The following DCC variants were observed in gnomAD, a reference collection of about 807,000 sequenced individuals.
The protein encoded by DCC is netrin receptor DCC.
Under a neutral mutation model 172.5 loss-of-function variants are expected in DCC, and 58 were observed. That is an observed-to-expected ratio of 0.34 (90% CI 0.27 to 0.42). The LOEUF is 0.42. Ranked by LOEUF, DCC falls within the 10% of genes least tolerant of loss-of-function variation. The pLI, the probability that DCC is intolerant of heterozygous loss-of-function variation, is 1.00. For missense variants in DCC, 1,740 were observed against 1,791.0 expected (o/e 0.97, Z 0.51); for synonymous variants, 709 against 644.5 (o/e 1.10, Z -1.52).
chr18:53,414,637 A>G (rs751328619), intron 20 of DCC, among the ~76,000 whole-genome samples: 19 of 152,148 alleles, frequency 1.2e-4, no homozygotes, highest in Non-Finnish European at 2.8e-4. Context: ...TCACGAGGTC[A>G]GGAGATCGAG....
intron 8 of DCC, among the ~76,000 whole-genome samples, chr18:53,168,284 G>T (rs1386875100): frequency 6.6e-6 from 1 of 151,908 alleles, no homozygotes; most frequent in African/African-American, 2.4e-5. Context: ...TTGCGGCACT[G>T]TTCACAATAG....
At chr18:52,368,954 C>T (rs1421735509) in intron 1 of DCC, among the ~76,000 whole-genome samples, 1 of 152,172 alleles carries the variant, frequency 6.6e-6, no homozygotes, top group East Asian at 1.9e-4. Context: ...TGTTGATCCT[C>T]CATGTGGTGA....
At chr18:53,023,773 G>C (rs750390321) in intron 5 of DCC, among the ~76,000 whole-genome samples, 2 of 152,010 alleles carry the variant, frequency 1.3e-5, no homozygotes, top group African/African-American at 4.8e-5. Context: ...GAAATTGAAC[G>C]CAGTGCCTCA....
chr18:52,834,097 A>C (rs936090332), intron 2 of DCC, among the ~76,000 whole-genome samples: 2 of 152,176 alleles, frequency 1.3e-5, no homozygotes, highest in Non-Finnish European at 2.9e-5. Flanking sequence ...AGGAGGGCAG[A>C]GCTTCCACAC....
At chr18:52,933,251 C>A (rs534547738) in intron 5 of DCC, among the ~76,000 whole-genome samples, 3 of 152,118 alleles carry the variant, frequency 2.0e-5, no homozygotes, top group African/African-American at 7.2e-5. Flanking sequence ...GCCAAGTAGT[C>A]TTTGGGCATA....
chr18:53,176,558 G>A (rs1424107659), intron 8 of DCC, among the ~76,000 whole-genome samples: 5 of 151,942 alleles, frequency 3.3e-5, no homozygotes, highest in African/African-American at 1.2e-4. Flanking sequence ...CATTTATGCA[G>A]CCAAAAAACA....
At chr18:52,696,208 A>C (rs1374472751) in intron 1 of DCC, among the ~76,000 whole-genome samples, 2 of 152,248 alleles carry the variant, frequency 1.3e-5, no homozygotes, top group Admixed American at 1.3e-4. Context: ...TGTCTAATAA[A>C]GGACCAGAAA....
chr18:52,720,251 T>G (rs1339374790), intron 1 of DCC, among the ~76,000 whole-genome samples: 17 of 152,140 alleles, frequency 1.1e-4, no homozygotes, highest in Admixed American at 1.0e-3. Flanking sequence ...ACTTTCAAAA[T>G]GATGAAATAG....
intron 19 of DCC, among the ~76,000 whole-genome samples, chr18:53,407,671 A>G (rs958517595): frequency 1.3e-5 from 2 of 150,506 alleles, no homozygotes; most frequent in Admixed American, 6.7e-5. Context: ...TATATTACAT[A>G]GTAATATATG....
At chr18:53,395,018 G>A (rs556212116) in intron 17 of DCC, among the ~76,000 whole-genome samples, 236 of 151,508 alleles carry the variant, frequency 1.6e-3, no homozygotes, top group African/African-American at 4.8e-3. Context: ...GTGGGGGGGC[G>A]GGGCGCCTGT....
At chr18:53,396,509 A>G (rs534684904) in intron 17 of DCC, among the ~76,000 whole-genome samples, 1 of 152,338 alleles carries the variant, frequency 6.6e-6, no homozygotes, top group Non-Finnish European at 1.5e-5. Context: ...ACACCAATGT[A>G]ATCCTTTAGT....
At chr18:53,392,281 T>C (rs1908599217) in intron 17 of DCC, among the ~76,000 whole-genome samples, 1 of 152,072 alleles carries the variant, frequency 6.6e-6, no homozygotes, top group Non-Finnish European at 1.5e-5. Flanking sequence ...CCTATTAATG[T>C]CACAGAGACT....
rs145859266 is a variant in DCC, at chr18:52,633,373, T to C, written c.92-118681T>C. Among the ~76,000 whole-genome samples, 704 of 152,284 alleles carry C rather than the reference T, an allele frequency of 4.6e-3. 16 individuals are homozygous for C. The highest frequency in any genetic ancestry group is 0.032 in the East Asian group (165 of 5,174). ...GCACTGAAGATGCCCAAGTTCTTCT[T>C]TTTATTTCTTTCTGGAGGAAAGCCA... On this transcript the variant is annotated intron_variant, in intron 1 of 28. Transcript: ENST00000442544.
intron 1 of DCC, among the ~76,000 whole-genome samples, chr18:52,625,422 C>T (rs887499962): frequency 1.3e-5 from 2 of 152,062 alleles, no homozygotes; most frequent in Non-Finnish European, 2.9e-5. Context: ...CTTTGTTTTC[C>T]TTCTGTTACA....
At chr18:53,342,918 TAAA>T (rs2057678555) in intron 15 of DCC, among the ~76,000 whole-genome samples, 1 of 149,264 alleles carries the variant, frequency 6.7e-6, no homozygotes, top group African/African-American at 2.4e-5. Context: ...TTATTTTAAA[TAAA>T]TTTTTACTAT....
intron 13 of DCC, among the ~76,000 whole-genome samples, chr18:53,309,982 A>ATATATAT (rs2057247758): frequency 2.0e-5 from 3 of 147,608 alleles, no homozygotes; most frequent in African/African-American, 7.4e-5. Context: ...ATATATATAT[A>ATATATAT]CTCTTTCTAA....
intron 15 of DCC, among the ~76,000 whole-genome samples, chr18:53,376,478 T>A (rs1233088029): frequency 6.6e-6 from 1 of 152,206 alleles, no homozygotes. Context: ...ATGAAAGCTA[T>A]CATATAAATT....
chr18:52,840,969 A>G (rs1418362999), intron 2 of DCC, among the ~76,000 whole-genome samples: 5 of 152,094 alleles, frequency 3.3e-5, no homozygotes, highest in African/African-American at 1.2e-4. Context: ...ATGATGAAAA[A>G]AAAAAGCAGG....
At chr18:52,569,501 G>T (rs2033243663) in intron 1 of DCC, among the ~76,000 whole-genome samples, 1 of 152,122 alleles carries the variant, frequency 6.6e-6, no homozygotes, top group Non-Finnish European at 1.5e-5. Flanking sequence ...TAATGATGAA[G>T]AAATAAAAAG....
Sources: gnomAD v4.1 joint callset for allele counts (sites outside exome capture counted in the v4.1 genomes callset) on GRCh38, gnomAD v4.1.1 for gene constraint, MANE v1.5 for transcripts, NCBI Gene and HGNC (gene_info 2026-07-23, HGNC 2026-07-21) for gene names.